Variants in RET observed in about 807,000 individuals in gnomAD.
RET encodes the protein ret proto-oncogene.
A neutral mutation model predicts 118.3 loss-of-function variants in RET; 19 were observed. That is an observed-to-expected ratio of 0.16 (90% CI 0.11 to 0.24). The LOEUF (loss-of-function observed/expected upper bound fraction) is 0.24. RET is among the 10% of genes least tolerant of loss of function. The probability of loss-of-function intolerance (pLI) is 1.00; values close to 1 mark genes in which losing one functional copy is unlikely to be tolerated. For synonymous variants in RET, 597 were observed against 644.1 expected (o/e 0.93, Z 1.11); for missense variants, 1,219 against 1,502.1 (o/e 0.81, Z 3.12).
intron 12 of RET, among the ~76,000 whole-genome samples, chr10:43,117,311 G>A (rs1223931738): frequency 6.6e-6 from 1 of 152,248 alleles, no homozygotes; most frequent in African/African-American, 2.4e-5. Flanking sequence ...AGTAGTCGGG[G>A]GCTGCACAGC....
At chr10:43,127,015 G>C (rs1370829748) in intron 19 of RET, 1 of 1,321,922 alleles carries the variant, frequency 7.6e-7, no homozygotes, top group East Asian at 3.1e-5. Context: ...ACCAAGAACA[G>C]GTTGAATAAG....
In RET at chr10:43,119,532, C is replaced by G. The variant is rs1838152776; in HGVS notation, c.2394C>G (p.Gly798=). The change falls in exon 14 of 20, where the codon GGC becomes GGG. Residue 798 remains glycine (G), a splice_region_variant and synonymous_variant. Coordinates refer to ENST00000355710, the MANE Select transcript of RET (RefSeq NM_020975.6). ...AGGGCCCCCTCTCTCCGCCCCCAGGCCCGCTCCTCCTCATCGTGGAGTACG... is the reference window on the plus strand; with the variant it reads ...AGGGCCCCCTCTCTCCGCCCCCAGGGCCGCTCCTCCTCATCGTGGAGTACG... ...IKLYGACSQD[G]PLLLIVEYAK... 6.3e-7 allele frequency: 1 copy of G among 1,595,698 alleles called. No individual in the cohort carries two copies. Among genetic ancestry groups the G allele is most frequent in the Non-Finnish European group, 8.5e-7 (1 of 1,174,100 alleles).
At chr10:43,108,165 G>A (rs1275430206) in intron 5 of RET, among the ~76,000 whole-genome samples, 3 of 151,294 alleles carry the variant, frequency 2.0e-5, no homozygotes, top group African/African-American at 4.9e-5. Context: ...AGGCAACATG[G>A]TGAAACCCTG....
Position 43,114,405 on chromosome 10 carries a change from C to A in RET, c.1880-75C>A, listed in dbSNP as rs1336963749. The A allele has an allele frequency of 1.9e-6, 3 of 1,585,654 alleles. No homozygotes were observed. The highest frequency in any genetic ancestry group is 2.6e-6 in the Non-Finnish European group (3 of 1,170,494). ...CACGGCAGGCTGGAGAGCCATGAGG[C>A]AGAGCATACGCAGCCTGTACCCAGT... is the stretch of plus-strand genomic sequence containing the variant. On this transcript the variant is annotated intron_variant, in intron 10 of 19. Transcript: ENST00000355710. This position sits in a 1 kb window ranked among gnomAD's most constrained non-coding sequence, Gnocchi z 4.6.
At chr10:43,127,626 C>A in intron 19 of RET, 16 of 314,238 alleles carry the variant, frequency 5.1e-5, no homozygotes, top group South Asian at 9.0e-5. Context: ...GGCTTTGTGT[C>A]TAGTGCCACA....
At chr10:43,102,819 A>G in intron 3 of RET, 190 bp downstream of exon 3, 1 of 682,982 alleles carries the variant, frequency 1.5e-6, no homozygotes. Flanking sequence ...TATAACAATG[A>G]ACACAACGGG....
At chr10:43,097,079 C>T (rs1318369774) in intron 1 of RET, among the ~76,000 whole-genome samples, 1 of 152,224 alleles carries the variant, frequency 6.6e-6, no homozygotes, top group Admixed American at 6.5e-5. Flanking sequence ...GATTGGGCCC[C>T]CCACGATCCT....
At chr10:43,084,776 C>A (rs2506008) in intron 1 of RET, among the ~76,000 whole-genome samples, 114,119 of 151,538 alleles carry the variant, frequency 0.75, 43,412 homozygotes, top group African/African-American at 0.83. Flanking sequence ...CGTTGAGCAC[C>A]AACATCTGGA....
chr10:43,126,928 T>C lies in RET; in HGVS notation c.3187+206T>C, dbSNP rs1419685614. 3 of 1,434,064 alleles carry C rather than the reference T, an allele frequency of 2.1e-6. No individual in the cohort carries two copies. The African/African-American group carries it at 4.3e-5, about 21-fold the overall frequency. 88.8% of individuals were successfully genotyped at this position (1,434,064 alleles called of 1,614,324 possible). ...ATGTTTTTCTAAAAGGATGTGAAAA[T>C]AAGTGTAATTACCACATTGCCCAGC... On this transcript the variant is annotated intron_variant, in intron 19 of 19. Coordinates refer to ENST00000355710, the MANE Select transcript of RET (RefSeq NM_020975.6).
chr10:43,079,749 G>A lies in RET; in HGVS notation c.73+2418G>A, dbSNP rs147328350. Reference sequence around the variant, plus strand: ...TGGGCACTGTGACTTGGCAGGGCCCGGATCCAAGCTGCCAGACCACCCTCT... The same window carrying A: ...TGGGCACTGTGACTTGGCAGGGCCCAGATCCAAGCTGCCAGACCACCCTCT... On this transcript the variant is annotated intron_variant, in intron 1 of 19. Transcript: ENST00000355710. Among the ~76,000 whole-genome samples, 80 of 152,300 alleles carry A rather than the reference G, an allele frequency of 5.3e-4. No homozygotes were observed. The East Asian group carries it at 0.015, about 28-fold the overall frequency.
intron 18 of RET, among the ~76,000 whole-genome samples, chr10:43,125,664 C>G (rs925248811): frequency 2.0e-4 from 31 of 152,330 alleles, no homozygotes; most frequent in East Asian, 5.8e-4. Flanking sequence ...AGGACCCATA[C>G]TATGTCTCAG....
chr10:43,107,490 A>C (rs1028401411), intron 5 of RET, among the ~76,000 whole-genome samples: 1 of 149,872 alleles, frequency 6.7e-6, no homozygotes, highest in African/African-American at 2.5e-5. Flanking sequence ...GCTCTGGGGG[A>C]GCTGTCTGGA....
chr10:43,096,259 C>T (rs895294535), intron 1 of RET, among the ~76,000 whole-genome samples: 1 of 152,096 alleles, frequency 6.6e-6, no homozygotes, highest in African/African-American at 2.4e-5. Context: ...ACAGGCCAGG[C>T]GGCCCTTCTA....
chr10:43,105,605 C>T (rs1270337041), intron 4 of RET, among the ~76,000 whole-genome samples: 2 of 152,302 alleles, frequency 1.3e-5, no homozygotes, highest in Admixed American at 6.5e-5. Context: ...TCACCTCCGG[C>T]GCCGCCCGCC....
At chr10:43,079,694 CG>C (rs1238791960) in intron 1 of RET, among the ~76,000 whole-genome samples, 1 of 152,084 alleles carries the variant, frequency 6.6e-6, no homozygotes, top group Non-Finnish European at 1.5e-5. Context: ...CCCTGGGCCC[CG>C]GGGCCTTCTG....
intron 1 of RET, among the ~76,000 whole-genome samples, chr10:43,086,157 G>A (rs983439348): frequency 9.9e-5 from 15 of 152,034 alleles, no homozygotes; most frequent in Non-Finnish European, 1.5e-4. Context: ...CCTCTGTGTG[G>A]CCTCCAGCAG....
In RET at chr10:43,128,824, A is replaced by T; in HGVS notation, c.*555A>T. 4.0e-6 allele frequency: 1 copy of T among 250,852 alleles called. No individual in the cohort carries two copies. Among genetic ancestry groups the T allele is most frequent in the Non-Finnish European group, 7.8e-6 (1 of 128,386 alleles). The allele number at this position is 250,852 out of a possible 1,614,324, so 15.5% of individuals were successfully genotyped here. A position where few individuals can be genotyped will look rare whatever the true frequency, so the allele number is the denominator to read the frequency against. ...CTGGAGGGGAAGAGGGGCCCCGAGGATGGGCCTGGGCTCAGCATTCGAGAT... is the reference window on the plus strand; with the variant it reads ...CTGGAGGGGAAGAGGGGCCCCGAGGTTGGGCCTGGGCTCAGCATTCGAGAT... On this transcript the variant is annotated 3_prime_UTR_variant, in exon 20 of 20. Coordinates refer to ENST00000355710, the MANE Select transcript of RET (RefSeq NM_020975.6).
intron 1 of RET, among the ~76,000 whole-genome samples, chr10:43,078,143 C>T (rs899079498): frequency 2.6e-5 from 4 of 152,216 alleles, no homozygotes; most frequent in African/African-American, 9.6e-5. Flanking sequence ...AGATGGTCAT[C>T]GACCCCACCC....
At position 43,111,280 on chromosome 10, in the gene RET, G is replaced by C. The variant is rs1172240345; in HGVS notation, c.1337G>C (p.Gly446Ala). 6.2e-7 allele frequency: 1 copy of C among 1,614,156 alleles called. No individual in the cohort carries two copies. Among genetic ancestry groups the C allele is most frequent in the Admixed American group, 1.7e-5 (1 of 60,030 alleles). ...GTCCAGTACAAGCTGCATTCCTCTG[G>C]TGCCAACTGCAGCACGCTAGGGGTG... ...INVQYKLHSS[G>A]ANCSTLGVVT... The change falls in exon 7 of 20, where the codon GGT (glycine) becomes GCT (alanine). Residue 446 changes from glycine (G) to alanine (A), a missense_variant. Physicochemically the swap from Gly to Ala is moderately conservative, Grantham distance 60 (BLOSUM62 0). Coordinates refer to ENST00000355710, the MANE Select transcript of RET (RefSeq NM_020975.6).
Sources: gnomAD v4.1 joint callset for allele counts (sites outside exome capture counted in the v4.1 genomes callset) on GRCh38, gnomAD v4.1.1 for gene constraint, Gnocchi (gnomAD v3.1) non-coding constraint, MANE v1.5 for transcripts, NCBI Gene and HGNC (gene_info 2026-07-23, HGNC 2026-07-21) for gene names.